Variants in TRIO observed in about 807,000 individuals in gnomAD.
TRIO encodes triple functional domain protein.
Under a neutral mutation model 351.9 loss-of-function variants are expected in TRIO, and 58 were observed. That is an observed-to-expected ratio of 0.16 (90% CI 0.13 to 0.21). The LOEUF (loss-of-function observed/expected upper bound fraction) is 0.21. Ranked by LOEUF, TRIO falls within the 10% of genes least tolerant of loss-of-function variation. The probability of loss-of-function intolerance (pLI) is 1.00; values close to 1 mark genes in which losing one functional copy is unlikely to be tolerated. For missense variants in TRIO, 3,201 were observed against 4,027.8 expected, an observed-to-expected ratio of 0.79 and a Z score of 5.56; for synonymous variants, 1,758 against 1,595.7, an observed-to-expected ratio of 1.10 and a Z score of -2.42.
chr5:14,246,138 G>A (rs1025006939), intron 1 of TRIO, among the ~76,000 whole-genome samples: 6 of 152,070 alleles, frequency 3.9e-5, no homozygotes, highest in Admixed American at 1.3e-4. Context: ...CTACAGTTTC[G>A]TTGTATCCTT....
At chr5:14,426,930 C>T (rs960064649) in intron 34 of TRIO, among the ~76,000 whole-genome samples, 2 of 152,080 alleles carry the variant, frequency 1.3e-5, no homozygotes, top group Non-Finnish European at 2.9e-5. Context: ...TTGCTGGGAC[C>T]GTTACTCAGA....
rs936734908 is a variant in TRIO, at chr5:14,336,865, T to C, written c.2046+138T>C. On this transcript the variant is annotated intron_variant, in intron 11 of 56. Transcript: ENST00000344204. ...TAAGATGTAGCCCATTAGTGCTGAGTGTGTCTGCGTGGACAGGGAAAAGCC... is the reference window on the plus strand; with the variant it reads ...TAAGATGTAGCCCATTAGTGCTGAGCGTGTCTGCGTGGACAGGGAAAAGCC... The C allele has an allele frequency of 1.5e-5, 13 of 879,018 alleles. No homozygotes were observed. The East Asian group carries it at 2.9e-4, about 20-fold the overall frequency. The allele number at this position is 879,018 out of a possible 1,614,324, so 54.5% of individuals were successfully genotyped here.
intron 48 of TRIO, 92 bp from the exon 49 acceptor site, chr5:14,492,475 T>C: frequency 6.5e-7 from 1 of 1,550,014 alleles, no homozygotes; most frequent in Non-Finnish European, 8.8e-7. Flanking sequence ...GGGGTCATGG[T>C]GCCATGGGGC....
At chr5:14,355,818 T>C (rs1721626706) in intron 11 of TRIO, among the ~76,000 whole-genome samples, 1 of 152,226 alleles carries the variant, frequency 6.6e-6, no homozygotes, top group East Asian at 1.9e-4. Context: ...CGTGGCATTT[T>C]CATGTGGAAT....
In TRIO at chr5:14,159,448, T is replaced by C. The variant is rs576059273; in HGVS notation, c.157+15566T>C. ...ACTGATGATGCTTTAGCTTTTATTG[T>C]TTTTTAAACATTCTGGGAAAGTTGA... is the stretch of plus-strand genomic sequence containing the variant. On this transcript the variant is annotated intron_variant, in intron 1 of 56. Transcript: ENST00000344204. Among the ~76,000 whole-genome samples, 3 of 152,344 alleles carry C rather than the reference T, an allele frequency of 2.0e-5. No individual in the cohort carries two copies. In the South Asian group the frequency reaches 6.2e-4, roughly 32 times the overall value.
In TRIO at chr5:14,413,271, T is replaced by A. The variant is rs1018880456; in HGVS notation, c.4960-6507T>A. The stretch of plus-strand genomic sequence containing the variant: ...AATTGTGGTGGCTCAACTGCAAAAT[T>A]CTGTGTGTGGAATGGGCACAATTAC... On this transcript the variant is annotated intron_variant, in intron 33 of 56. Coordinates refer to ENST00000344204, the MANE Select transcript of TRIO (RefSeq NM_007118.4). 6.6e-5 allele frequency among the ~76,000 whole-genome samples: 10 copies of A among 152,348 alleles called. No individual in the cohort carries two copies. The South Asian group carries it at 2.1e-3, about 32-fold the overall frequency.
rs74905733 is a variant in TRIO at position 14,241,171 on chromosome 5, G to A, written c.158-29654G>A. ...TAAAACAATTTGAGTTTTCTTCAAA[G>A]AAGGATGTTTTCCAAATACCTTTTT... On this transcript the variant is annotated intron_variant, in intron 1 of 56. Transcript: ENST00000344204. Among the ~76,000 whole-genome samples, 1,354 of 152,298 alleles carry A rather than the reference G, an allele frequency of 8.9e-3. 8 individuals are homozygous for A. Among genetic ancestry groups the A allele is most frequent in the Middle Eastern group, 0.017 (5 of 294 alleles).
chr5:14,353,008 C>T (rs375276709), intron 11 of TRIO, among the ~76,000 whole-genome samples: 7 of 151,960 alleles, frequency 4.6e-5, no homozygotes, highest in East Asian at 3.8e-4. Flanking sequence ...AATTCTAGCA[C>T]GTTTTCCTCA....
At chr5:14,360,134 G>T (rs73749084) in intron 13 of TRIO, among the ~76,000 whole-genome samples, 2 of 151,926 alleles carry the variant, frequency 1.3e-5, no homozygotes, top group Non-Finnish European at 2.9e-5. Context: ...AGCATTTTAG[G>T]TAACAAAAAA....
chr5:14,160,845 CCT>C (rs1178530562), intron 1 of TRIO, among the ~76,000 whole-genome samples: 1 of 152,188 alleles, frequency 6.6e-6, no homozygotes, highest in African/African-American at 2.4e-5. Flanking sequence ...CACTGAAGCT[CCT>C]CTTTTTGTTT....
rs781727544 is a variant in TRIO at position 14,364,791 on chromosome 5, G to A, written c.2729G>A (p.Arg910His). 1.9e-6 allele frequency: 3 copies of A among 1,610,592 alleles called. No individual in the cohort carries two copies. The highest frequency in any genetic ancestry group is 2.2e-5 in the East Asian group (1 of 44,854). Reference sequence around the variant, plus strand: ...CACCTGGAGCAGTGCGTGCAGCTGCGCCACCTGCAGGCAGAAGTGAAACAG... The same window carrying A: ...CACCTGGAGCAGTGCGTGCAGCTGCACCACCTGCAGGCAGAAGTGAAACAG... ...RKHLEQCVQL[R>H]HLQAEVKQVL... Residue 910 changes from arginine (R) to histidine (H), a missense_variant, in exon 15 of 57, where the codon CGC (arginine) becomes CAC (histidine). By Grantham distance (29) the Arg-to-His change is conservative (BLOSUM62 0). Coordinates refer to ENST00000344204, the MANE Select transcript of TRIO (RefSeq NM_007118.4).
At chr5:14,376,777 A>G (rs968958723) in intron 19 of TRIO, among the ~76,000 whole-genome samples, 1 of 152,190 alleles carries the variant, frequency 6.6e-6, no homozygotes, top group Non-Finnish European at 1.5e-5. Context: ...TTCCCAGTTC[A>G]AAGGAATGCA....
Position 14,487,866 on chromosome 5 carries a change from A to T in TRIO, c.7238A>T (p.Lys2413Met). ...GAAGCGGAGCCGATCCCCAAGATGAAGGTGCTGGAGAGCCCCAGGAAAGGC... is the reference window on the plus strand; with the variant it reads ...GAAGCGGAGCCGATCCCCAAGATGATGGTGCTGGAGAGCCCCAGGAAAGGC... Reference protein sequence around the residue: ...EREAEPIPKMKVLESPRKGAA... With the variant: ...EREAEPIPKMMVLESPRKGAA... Residue 2413 changes from lysine (K) to methionine (M), a missense_variant, in exon 48 of 57, where the codon AAG becomes ATG. By Grantham distance (95) the Lys-to-Met change is moderately conservative (BLOSUM62 -1). This residue lies in a region of TRIO where 1,089 missense variants were observed against 954.9 expected (regional missense o/e 1.14). Transcript: ENST00000344204. 1 of 1,533,750 alleles carries T rather than the reference A, an allele frequency of 6.5e-7. No individual in the cohort carries two copies. The highest frequency in any genetic ancestry group is 1.2e-5 in the South Asian group (1 of 82,694).
intron 9 of TRIO, among the ~76,000 whole-genome samples, chr5:14,322,210 G>A (rs1739951877): frequency 6.6e-6 from 1 of 152,130 alleles, no homozygotes; most frequent in African/African-American, 2.4e-5. Context: ...AGGAATTTAA[G>A]GAATTCCCCA....
chr5:14,289,468 G>A (rs1278424277), intron 4 of TRIO, among the ~76,000 whole-genome samples: 1 of 152,108 alleles, frequency 6.6e-6, no homozygotes, highest in Non-Finnish European at 1.5e-5. Flanking sequence ...TGGGAGGATG[G>A]CTTGAGCCCA....
intron 8 of TRIO, among the ~76,000 whole-genome samples, chr5:14,314,200 G>A (rs1214451402): frequency 1.3e-5 from 2 of 152,192 alleles, no homozygotes; most frequent in Non-Finnish European, 2.9e-5. Context: ...CCTGCTTTAT[G>A]ATCCTGAACT....
At chr5:14,427,574 T>G (rs1224574468) in intron 34 of TRIO, among the ~76,000 whole-genome samples, 1 of 152,162 alleles carries the variant, frequency 6.6e-6, no homozygotes, top group Non-Finnish European at 1.5e-5. Flanking sequence ...AGAGAAGCCC[T>G]TCACTGGCCC....
Position 14,488,218 on chromosome 5 carries a change from C to T in TRIO, c.7590C>T (p.Ser2530=). The T allele has an allele frequency of 6.3e-7, 1 of 1,591,232 alleles. No homozygotes were observed. The highest frequency in any genetic ancestry group is 8.5e-7 in the Non-Finnish European group (1 of 1,175,944). Residue 2530 remains serine, a synonymous_variant, in exon 48 of 57, where the codon TCC becomes TCT. Coordinates refer to ENST00000344204, the MANE Select transcript of TRIO (RefSeq NM_007118.4). ...ATACTGACCGCATGAGCACGTGCTCCTCGGCCAGCGAGCAGTCCGTGCAGT... is the reference window on the plus strand; with the variant it reads ...ATACTGACCGCATGAGCACGTGCTCTTCGGCCAGCGAGCAGTCCGTGCAGT... ...GKDTDRMSTC[S]SASEQSVQST...
intron 1 of TRIO, among the ~76,000 whole-genome samples, chr5:14,217,364 G>A (rs1324207879): frequency 6.6e-6 from 1 of 152,132 alleles, no homozygotes; most frequent in Admixed American, 6.5e-5. Flanking sequence ...TTCTTTCTGG[G>A]CCCCTTTCTT....
Sources: gnomAD v4.1 joint callset for allele counts (sites outside exome capture counted in the v4.1 genomes callset) on GRCh38, gnomAD v4.1.1 for gene constraint, gnomAD v4.1.1 regional missense constraint, MANE v1.5 for transcripts, NCBI Gene and HGNC (gene_info 2026-07-23, HGNC 2026-07-21) for gene names.